The following FMN1 variants were observed in gnomAD, a reference collection of about 807,000 sequenced individuals.
FMN1 encodes the protein formin 1.
Under a neutral mutation model 132.4 loss-of-function variants are expected in FMN1, and 110 were observed. The observed-to-expected ratio is 0.83, with a 90% CI of 0.71 to 0.97. The LOEUF (loss-of-function observed/expected upper bound fraction) is 0.97, where lower values mean the gene tolerates loss of function less well. FMN1 is among the 50% of genes least tolerant of loss of function. FMN1 has a pLI of 0.00. For synonymous variants in FMN1, 722 were observed against 651.7 expected (o/e 1.11, Z -1.64); for missense variants, 1,792 against 1,705.3 (o/e 1.05, Z -0.90).
intron 6 of FMN1, among the ~76,000 whole-genome samples, chr15:33,058,077 A>G (rs2037312979): frequency 1.3e-5 from 2 of 151,808 alleles, no homozygotes; most frequent in Non-Finnish European, 1.5e-5. Flanking sequence ...GGTGGTGGAA[A>G]GGTGTGATGG....
At position 32,810,260 on chromosome 15, in the gene FMN1, C is replaced by A. The variant is rs1176783550; in HGVS notation, c.3929-5928G>T. On this transcript the variant is annotated intron_variant, in intron 17 of 20. Transcript: ENST00000616417. ...GATGGAAAAGTACACAACAGAAGAA[C>A]CCATGTTAGCAGAACACAGTCCCTA... 4.6e-5 allele frequency among the ~76,000 whole-genome samples: 7 copies of A among 152,310 alleles called. No individual in the cohort carries two copies. The East Asian group carries it at 1.3e-3, about 29-fold the overall frequency.
chr15:33,126,506 CCT>C (rs1362476081), intron 4 of FMN1, among the ~76,000 whole-genome samples: 4 of 152,300 alleles, frequency 2.6e-5, no homozygotes, highest in South Asian at 2.1e-4. Context: ...TACATCTACT[CCT>C]CTTATTCGCT....
intron 6 of FMN1, among the ~76,000 whole-genome samples, chr15:33,033,080 G>C (rs573103300): frequency 1.3e-5 from 2 of 152,266 alleles, no homozygotes; most frequent in South Asian, 2.1e-4. Flanking sequence ...GCCCAGGATG[G>C]AGTGCAGTGG....
chr15:33,015,683 A>AT (rs978155223), intron 6 of FMN1, among the ~76,000 whole-genome samples: 3 of 149,378 alleles, frequency 2.0e-5, no homozygotes, highest in African/African-American at 7.3e-5. Context: ...ACATTGTTGT[A>AT]TTTTCAAGTA....
At position 32,888,176 on chromosome 15, in the gene FMN1, T is replaced by C. The variant is rs771230159; in HGVS notation, c.3831A>G (p.Leu1277=). 1 of 1,606,402 alleles carries C rather than the reference T, an allele frequency of 6.2e-7. No individual in the cohort carries two copies. Among genetic ancestry groups the C allele is most frequent in the South Asian group, 1.1e-5 (1 of 89,204 alleles). The change falls in exon 16 of 21, where the codon CTA becomes CTG. Residue 1277 remains leucine, a synonymous_variant. Coordinates refer to ENST00000616417, the MANE Select transcript of FMN1 (RefSeq NM_001277313.2). Reference sequence around the variant, plus strand: ...TAGCAGAACAGTTCCTATTACCTTCTAGTTGCCTCTTCAGTTTTCTCAAAT... The same window carrying C: ...TAGCAGAACAGTTCCTATTACCTTCCAGTTGCCTCTTCAGTTTTCTCAAAT... The part of the protein sequence containing the change: ...IKDLRKLKRQ[L]EASEKQMVVV...
rs75637514 is a variant in FMN1, at chr15:32,936,267, G to A, written c.3139-10006C>T. Among the ~76,000 whole-genome samples the A allele has an allele frequency of 4.3e-3, 651 of 151,758 alleles. 9 individuals are homozygous for A. Among genetic ancestry groups the A allele is most frequent in the Non-Finnish European group, 7.1e-3 (483 of 67,858 alleles). On this transcript the variant is annotated intron_variant, in intron 9 of 20. Coordinates refer to ENST00000616417, the MANE Select transcript of FMN1 (RefSeq NM_001277313.2). ...TCCACTGGTTGGTCCATGCTCCCCT[G>A]TTTCTTTGTGTGCTTTGTTACTTTG...
At chr15:33,082,091 CAATGTGTGTGTGTGTGTG>C (rs1303782248) in intron 5 of FMN1, among the ~76,000 whole-genome samples, 1 of 76,060 alleles carries the variant, frequency 1.3e-5, no homozygotes, top group African/African-American at 7.0e-5. Context: ...GGCTGGAAAA[CAATGTGTGTGTGTGTGTG>C]TGTGTGTGTG....
At chr15:33,093,923 C>T (rs1029218631) in intron 4 of FMN1, among the ~76,000 whole-genome samples, 2 of 152,186 alleles carry the variant, frequency 1.3e-5, no homozygotes, top group African/African-American at 2.4e-5. Context: ...TTGTATATCT[C>T]CCCACCTACA....
intron 19 of FMN1, 56 bp from the exon 20 acceptor site, chr15:32,776,975 A>G: frequency 9.3e-7 from 1 of 1,079,622 alleles, no homozygotes; most frequent in South Asian, 1.4e-5. Context: ...GGAAGAGGGA[A>G]AAGGAAAGAA....
At position 33,009,530 on chromosome 15, in the gene FMN1, G is replaced by T. The variant is rs1489149654; in HGVS notation, c.2162-1455C>A. On this transcript the variant is annotated intron_variant, in intron 6 of 20. Coordinates refer to ENST00000616417, the MANE Select transcript of FMN1 (RefSeq NM_001277313.2). ...TACACTGGCTTTCTTGCCATTCCTT[G>T]AACTTGTCAAATTATTTTCTATCTC... Among the ~76,000 whole-genome samples the T allele has an allele frequency of 7.2e-5, 11 of 152,174 alleles. No individual in the cohort carries two copies. In the East Asian group the frequency reaches 1.9e-3, roughly 27 times the overall value.
At chr15:32,866,226 A>AT (rs2059389859) in intron 16 of FMN1, among the ~76,000 whole-genome samples, 1 of 121,822 alleles carries the variant, frequency 8.2e-6, no homozygotes, top group African/African-American at 4.1e-5. Flanking sequence ...TTAAAGTATA[A>AT]TAAAAAAAAA....
chr15:33,093,607 C>T (rs1178716549), intron 4 of FMN1, among the ~76,000 whole-genome samples: 1 of 152,226 alleles, frequency 6.6e-6, no homozygotes, highest in Non-Finnish European at 1.5e-5. Flanking sequence ...TGTCACCAAA[C>T]CACCTAGGTA....
intron 17 of FMN1, among the ~76,000 whole-genome samples, chr15:32,852,227 T>C (rs1236946713): frequency 1.3e-5 from 2 of 152,208 alleles, no homozygotes; most frequent in Non-Finnish European, 2.9e-5. Context: ...TCTAGTCTTA[T>C]CAGTATCCAA....
chr15:32,938,545 T>C lies in FMN1; in HGVS notation c.3139-12284A>G, dbSNP rs1038619016. Among the ~76,000 whole-genome samples the C allele has an allele frequency of 2.0e-5, 3 of 152,176 alleles. No individual in the cohort carries two copies. The East Asian group carries it at 5.8e-4, about 30-fold the overall frequency. On this transcript the variant is annotated intron_variant, in intron 9 of 20. Coordinates refer to ENST00000616417, the MANE Select transcript of FMN1 (RefSeq NM_001277313.2). ...ACTCTGTCTGAAGAAATGTTCCAAA[T>C]TTTGTCAATTGTTAAGAATGCTACA...
chr15:32,974,691 C>T (rs1375764147), intron 7 of FMN1, among the ~76,000 whole-genome samples: 1 of 152,140 alleles, frequency 6.6e-6, no homozygotes, highest in Non-Finnish European at 1.5e-5. Flanking sequence ...CCAATGGGAG[C>T]CAGAGGTGAA....
chr15:32,827,833 G>A (rs1377941988), intron 17 of FMN1, among the ~76,000 whole-genome samples: 3 of 149,970 alleles, frequency 2.0e-5, no homozygotes, highest in South Asian at 2.1e-4. Context: ...GACAGAGCAA[G>A]ACTCCGTCTC....
rs151080654 is a variant in FMN1, at chr15:33,000,422, C to T, written c.2223+7592G>A. Among the ~76,000 whole-genome samples the T allele has an allele frequency of 9.4e-3, 1,293 of 137,782 alleles. 26 individuals are homozygous for T. Among genetic ancestry groups the T allele is most frequent in the African/African-American group, 0.032 (1,235 of 38,090 alleles). 90.4% of individuals were successfully genotyped at this position (137,782 alleles called of 152,430 possible). On this transcript the variant is annotated intron_variant, in intron 7 of 20. Coordinates refer to ENST00000616417, the MANE Select transcript of FMN1 (RefSeq NM_001277313.2). The stretch of plus-strand genomic sequence containing the variant: ...CGAGATCCTGCCACTGCACTCCAGC[C>T]TGGGCGACAGAGCCAGACTCCATCT...
chr15:33,166,423 T>C (rs1358211505), intron 3 of FMN1, among the ~76,000 whole-genome samples: 2 of 152,178 alleles, frequency 1.3e-5, no homozygotes, highest in Non-Finnish European at 2.9e-5. Flanking sequence ...AAAAATGTAT[T>C]GCTGGATAGG....
chr15:32,979,434 T>C (rs1463665098), intron 7 of FMN1, among the ~76,000 whole-genome samples: 2 of 151,610 alleles, frequency 1.3e-5, no homozygotes, highest in South Asian at 2.1e-4. Context: ...TGGGTGCCTG[T>C]AGTCCCAGCT....
Sources: gnomAD v4.1 joint callset for allele counts (sites outside exome capture counted in the v4.1 genomes callset) on GRCh38, gnomAD v4.1.1 for gene constraint, MANE v1.5 for transcripts, NCBI Gene and HGNC (gene_info 2026-07-23, HGNC 2026-07-21) for gene names.